RPTOR: variants seen among roughly 807,000 people sequenced by gnomAD.
RPTOR encodes regulatory associated protein of MTOR complex 1.
In RPTOR, 21 loss-of-function variants were observed where a neutral mutation model predicts 169.9. The observed-to-expected ratio is 0.12, with a 90% CI of 0.09 to 0.18. The LOEUF (loss-of-function observed/expected upper bound fraction) is 0.18, where lower values mean the gene tolerates loss of function less well. RPTOR is among the 10% of genes least tolerant of loss of function. The pLI, the probability that RPTOR is intolerant of heterozygous loss-of-function variation, is 1.00. For missense variants in RPTOR, 1,133 were observed against 1,855.9 expected (o/e 0.61, Z 7.16); for synonymous variants, 732 against 753.2 (o/e 0.97, Z 0.46).
chr17:80,828,321 C>G (rs938993431), intron 9 of RPTOR, among the ~76,000 whole-genome samples: 5 of 152,182 alleles, frequency 3.3e-5, no homozygotes, highest in African/African-American at 1.2e-4. Context: ...TATGAGAAAC[C>G]CGTGGCAGGT....
chr17:80,743,379 A>G, intron 5 of RPTOR: 2 of 985,486 alleles, frequency 2.0e-6, no homozygotes, highest in Non-Finnish European at 2.4e-6. Flanking sequence ...CCTGAAGGAG[A>G]TGTCTAACCT....
chr17:80,742,879 T>TATACAAACATGCACAC (rs2066498584), intron 5 of RPTOR, among the ~76,000 whole-genome samples: 1 of 151,762 alleles, frequency 6.6e-6, no homozygotes, highest in Admixed American at 6.6e-5. Context: ...AACATGGACA[T>TATACAAACATGCACAC]ATACACACAT....
intron 3 of RPTOR, among the ~76,000 whole-genome samples, chr17:80,687,666 C>T (rs74002811): frequency 0.018 from 2,809 of 152,242 alleles, 91 homozygotes; most frequent in African/African-American, 0.063. Context: ...AGCACAGCCA[C>T]GGAATGGTTG....
intron 3 of RPTOR, among the ~76,000 whole-genome samples, chr17:80,674,661 G>A (rs374682005): frequency 4.6e-5 from 7 of 151,880 alleles, no homozygotes; most frequent in Non-Finnish European, 7.4e-5. Context: ...GGTGGCCGGC[G>A]CCTGTAGTCC....
Position 80,545,799 on chromosome 17 carries a change from G to T in RPTOR, c.162+8G>T. Reference sequence around the variant, plus strand: ...TGGAGGATGAAGGATCGGGTAAGTGGATTCTGAAGGCACCCCTTGAACTTG... The same window carrying T: ...TGGAGGATGAAGGATCGGGTAAGTGTATTCTGAAGGCACCCCTTGAACTTG... On this transcript the variant is annotated splice_region_variant and intron_variant, in intron 1 of 33. Coordinates refer to ENST00000306801, the MANE Select transcript of RPTOR (RefSeq NM_020761.3). 1 of 1,592,992 alleles carries T rather than the reference G, an allele frequency of 6.3e-7. No individual in the cohort carries two copies.
At chr17:80,839,216 C>T (rs1273470188) in intron 10 of RPTOR, among the ~76,000 whole-genome samples, 1 of 152,190 alleles carries the variant, frequency 6.6e-6, no homozygotes, top group Non-Finnish European at 1.5e-5. Flanking sequence ...TTTAACTCCT[C>T]AGATGATTTT....
At chr17:80,912,862 A>G (rs920312325) in intron 21 of RPTOR, among the ~76,000 whole-genome samples, 2 of 152,208 alleles carry the variant, frequency 1.3e-5, no homozygotes, top group Non-Finnish European at 2.9e-5. Flanking sequence ...TTGCCGTTCT[A>G]GAATGACACA....
In RPTOR at chr17:80,611,915, T is replaced by C. The variant is rs899427306; in HGVS notation, c.163-13776T>C. Among the ~76,000 whole-genome samples, 6 of 152,142 alleles carry C rather than the reference T, an allele frequency of 3.9e-5. No individual in the cohort carries two copies. In the East Asian group the frequency reaches 1.2e-3, roughly 29 times the overall value. The stretch of plus-strand genomic sequence containing the variant: ...AATGTCCCACTTAGGTTTTGCTGAG[T>C]GTTTCCTCATGGCATCATTTCACTT... On this transcript the variant is annotated intron_variant, in intron 1 of 33. Coordinates refer to ENST00000306801, the MANE Select transcript of RPTOR (RefSeq NM_020761.3).
chr17:80,919,251 A>G (rs557471431), intron 21 of RPTOR, among the ~76,000 whole-genome samples: 3 of 152,334 alleles, frequency 2.0e-5, no homozygotes, highest in South Asian at 2.1e-4. Context: ...GACTTGAAGA[A>G]ATAGCAGCAC....
chr17:80,652,376 G>T (rs1353725478), intron 3 of RPTOR, among the ~76,000 whole-genome samples: 2 of 152,142 alleles, frequency 1.3e-5, no homozygotes, highest in African/African-American at 2.4e-5. Context: ...CCTGTTCTAG[G>T]TACTCCACAC....
chr17:80,826,637 C>T (rs1315934875), intron 9 of RPTOR, among the ~76,000 whole-genome samples: 1 of 152,264 alleles, frequency 6.6e-6, no homozygotes, highest in Non-Finnish European at 1.5e-5. Context: ...TGGTCCCTGG[C>T]ACCCTTCTGC....
chr17:80,551,465 C>A (rs866432191), intron 1 of RPTOR, among the ~76,000 whole-genome samples: 1 of 151,910 alleles, frequency 6.6e-6, no homozygotes, highest in Non-Finnish European at 1.5e-5. Context: ...CAGACAAACA[C>A]GTGAACAAGG....
chr17:80,875,125 A>G (rs1446708637), intron 13 of RPTOR, among the ~76,000 whole-genome samples: 1 of 152,210 alleles, frequency 6.6e-6, no homozygotes, highest in Non-Finnish European at 1.5e-5. Flanking sequence ...TCTCCATAAA[A>G]TAATCCTTAA....
chr17:80,767,052 C>T (rs756220429), intron 6 of RPTOR, among the ~76,000 whole-genome samples: 6 of 152,108 alleles, frequency 3.9e-5, no homozygotes, highest in Non-Finnish European at 8.8e-5. Context: ...TGAAAGAGGG[C>T]ACATCCTTAC....
intron 1 of RPTOR, among the ~76,000 whole-genome samples, chr17:80,596,194 C>T (rs557274569): frequency 2.0e-5 from 3 of 152,236 alleles, no homozygotes; most frequent in Non-Finnish European, 4.4e-5. Context: ...TTTTTTGCTG[C>T]CTTGATCTCA....
In RPTOR at chr17:80,945,649, G is replaced by A. The variant is rs201002965; in HGVS notation, c.3026-18G>A. On this transcript the variant is annotated intron_variant, in intron 25 of 33. Transcript: ENST00000306801. ...GATGCTGGCTCCTGGATCCACTCTT[G>A]TGTGTTTCTTTTGACAGGCATTACG... 6.7e-7 allele frequency: 1 copy of A among 1,493,280 alleles called. No homozygotes were observed. Among genetic ancestry groups the A allele is most frequent in the Admixed American group, 1.7e-5 (1 of 57,376 alleles). 92.5% of individuals were successfully genotyped at this position (1,493,280 alleles called of 1,614,324 possible).
intron 4 of RPTOR, among the ~76,000 whole-genome samples, chr17:80,717,241 A>G (rs1309227127): frequency 6.6e-6 from 1 of 152,066 alleles, no homozygotes; most frequent in East Asian, 1.9e-4. Flanking sequence ...GTTTTTCTCC[A>G]CAGCTTTTTC....
At chr17:80,776,321 CTTT>C (rs545348018) in intron 6 of RPTOR, among the ~76,000 whole-genome samples, 2 of 112,248 alleles carry the variant, frequency 1.8e-5, no homozygotes, top group Non-Finnish European at 3.5e-5. Flanking sequence ...GCCAAACTTC[CTTT>C]TTTTTTTTTT....
Position 80,964,581 on chromosome 17 carries a change from C to T in RPTOR, c.*251C>T, listed in dbSNP as rs980092224. 3.5e-6 allele frequency: 2 copies of T among 565,866 alleles called. No individual in the cohort carries two copies. Among genetic ancestry groups the T allele is most frequent in the Non-Finnish European group, 6.3e-6 (2 of 315,196 alleles). The allele number at this position is 565,866 out of a possible 1,614,324, so 35.1% of individuals were successfully genotyped here. On this transcript the variant is annotated 3_prime_UTR_variant, in exon 34 of 34. Coordinates refer to ENST00000306801, the MANE Select transcript of RPTOR (RefSeq NM_020761.3). ...ACTGAGCACCAGCATCCAGGTGCAC[C>T]CCCGCGGCCACGGCGCCTCTGTCCC...
Sources: gnomAD v4.1 joint callset for allele counts (sites outside exome capture counted in the v4.1 genomes callset) on GRCh38, gnomAD v4.1.1 for gene constraint, MANE v1.5 for transcripts, NCBI Gene and HGNC (gene_info 2026-07-23, HGNC 2026-07-21) for gene names.